CNTNAP2: variants seen among roughly 807,000 people sequenced by gnomAD.
The protein encoded by CNTNAP2 is contactin-associated protein-like 2.
Under a neutral mutation model 155.2 loss-of-function variants are expected in CNTNAP2, and 98 were observed. The observed-to-expected ratio is 0.63, with a 90% CI of 0.54 to 0.75. CNTNAP2 has a LOEUF of 0.75. Among genes scored for constraint, CNTNAP2 ranks in the 30% least tolerant of loss-of-function variants. CNTNAP2 has a pLI of 0.00. For missense variants in CNTNAP2, 1,727 were observed against 1,688.1 expected, an observed-to-expected ratio of 1.02 and a Z score of -0.40; for synonymous variants, 651 against 631.2, an observed-to-expected ratio of 1.03 and a Z score of -0.47.
intron 1 of CNTNAP2, among the ~76,000 whole-genome samples, chr7:146,370,260 TAAAAAAAAA>T (rs34996621): frequency 2.4e-4 from 21 of 87,606 alleles, no homozygotes; most frequent in African/African-American, 7.7e-4. Context: ...ATCTCTACTT[TAAAAAAAAA>T]AAAAAAAAAA....
intron 13 of CNTNAP2, among the ~76,000 whole-genome samples, chr7:147,739,799 G>A (rs943250540): frequency 2.0e-5 from 3 of 151,998 alleles, no homozygotes; most frequent in African/African-American, 7.2e-5. Flanking sequence ...ATATATATAT[G>A]TATTTCATGT....
Position 146,768,413 on chromosome 7 carries a change from G to GC in CNTNAP2, c.98-5851dup, listed in dbSNP as rs373483660. Among the ~76,000 whole-genome samples the GC allele has an allele frequency of 8.4e-3, 1,272 of 151,530 alleles. 8 individuals are homozygous for GC. The highest frequency in any genetic ancestry group is 0.012 in the Non-Finnish European group (838 of 67,898). On this transcript the variant is annotated intron_variant, in intron 1 of 23. Transcript: ENST00000361727. The stretch of plus-strand genomic sequence containing the variant: ...GCTCCTGAGTGTCCCGATGTTGTGT[G>GC]CCCCCCCACATTTCTGACCATCATT...
At chr7:146,737,571 C>T (rs1202707914) in intron 1 of CNTNAP2, among the ~76,000 whole-genome samples, 4 of 152,002 alleles carry the variant, frequency 2.6e-5, no homozygotes, top group Non-Finnish European at 2.9e-5. Flanking sequence ...TTATACATAA[C>T]GTACCTTATT....
intron 15 of CNTNAP2, among the ~76,000 whole-genome samples, chr7:148,101,281 TATA>T (rs1804093872): frequency 6.7e-6 from 1 of 150,336 alleles, no homozygotes; most frequent in Non-Finnish European, 1.5e-5. Context: ...CTTGAAGTAT[TATA>T]ATAATAAAAT....
At chr7:147,023,365 T>G (rs892188115) in intron 3 of CNTNAP2, among the ~76,000 whole-genome samples, 1 of 152,210 alleles carries the variant, frequency 6.6e-6, no homozygotes, top group Non-Finnish European at 1.5e-5. Flanking sequence ...ATCTTTTAAA[T>G]TAAATTTTTA....
At chr7:146,265,631 G>C (rs914552523) in intron 1 of CNTNAP2, among the ~76,000 whole-genome samples, 4 of 151,580 alleles carry the variant, frequency 2.6e-5, no homozygotes, top group Admixed American at 2.6e-4. Context: ...GCTAATTTTT[G>C]TATTTTTTTA....
At chr7:146,312,768 T>C (rs1800846832) in intron 1 of CNTNAP2, among the ~76,000 whole-genome samples, 1 of 152,202 alleles carries the variant, frequency 6.6e-6, no homozygotes, top group South Asian at 2.1e-4. Flanking sequence ...GTTTCTGAAA[T>C]AGACCACTTT....
chr7:147,313,323 A>G (rs1795160730), intron 9 of CNTNAP2, among the ~76,000 whole-genome samples: 1 of 150,806 alleles, frequency 6.6e-6, no homozygotes, highest in Admixed American at 6.6e-5. Context: ...TGTTTTAGAC[A>G]TGAAGTCCTT....
At chr7:147,527,011 A>ATTTTTTTTTTT (rs1562981271) in intron 11 of CNTNAP2, among the ~76,000 whole-genome samples, 1 of 81,634 alleles carries the variant, frequency 1.2e-5, no homozygotes, top group African/African-American at 7.6e-5. Context: ...GAAGACAGGC[A>ATTTTTTTTTTT]TTTCTTTTTT....
chr7:147,211,488 C>A (rs114913073), intron 8 of CNTNAP2, among the ~76,000 whole-genome samples: 79 of 152,046 alleles, frequency 5.2e-4, no homozygotes, highest in African/African-American at 1.8e-3. Context: ...TAGAAGAGAA[C>A]AGATAACCCA....
intron 1 of CNTNAP2, among the ~76,000 whole-genome samples, chr7:146,672,430 C>G (rs1195925118): frequency 1.3e-5 from 2 of 152,168 alleles, no homozygotes; most frequent in Non-Finnish European, 2.9e-5. Flanking sequence ...TCTTAAAGCT[C>G]ATGCCTATAG....
chr7:146,628,616 C>T lies in CNTNAP2; in HGVS notation c.98-145655C>T, dbSNP rs1240712758. On this transcript the variant is annotated intron_variant, in intron 1 of 23. Transcript: ENST00000361727. Reference sequence around the variant, plus strand: ...ATAGTAAATACATACAATTTTATGTCAATTTTAAAAAATAAAAAAATGAAA... The same window carrying T: ...ATAGTAAATACATACAATTTTATGTTAATTTTAAAAAATAAAAAAATGAAA... 2.0e-5 allele frequency among the ~76,000 whole-genome samples: 3 copies of T among 151,934 alleles called. No homozygotes were observed. The South Asian group carries it at 6.2e-4, about 32-fold the overall frequency.
chr7:148,274,123 C>A (rs1161527403), intron 21 of CNTNAP2, among the ~76,000 whole-genome samples: 2 of 152,114 alleles, frequency 1.3e-5, no homozygotes, highest in African/African-American at 2.4e-5. Context: ...CCTCTAGAGT[C>A]CTTTTATCCC....
intron 21 of CNTNAP2, among the ~76,000 whole-genome samples, chr7:148,315,601 C>T (rs1451384323): frequency 6.6e-6 from 1 of 152,184 alleles, no homozygotes; most frequent in Non-Finnish European, 1.5e-5. Context: ...TTAGCTTGGG[C>T]TCAGAGGCCT....
chr7:147,448,009 T>G (rs928849202), intron 10 of CNTNAP2, among the ~76,000 whole-genome samples: 1 of 152,110 alleles, frequency 6.6e-6, no homozygotes, highest in African/African-American at 2.4e-5. Context: ...TTCATGATCA[T>G]GCATAGCTCC....
chr7:147,925,905 T>C (rs1284650112), intron 14 of CNTNAP2, among the ~76,000 whole-genome samples: 1 of 152,230 alleles, frequency 6.6e-6, no homozygotes, highest in African/African-American at 2.4e-5. Flanking sequence ...ACTGATCTTC[T>C]TACTGTTTTC....
chr7:147,386,693 C>T (rs958234013), intron 9 of CNTNAP2, among the ~76,000 whole-genome samples: 5 of 152,160 alleles, frequency 3.3e-5, no homozygotes, highest in African/African-American at 9.7e-5. Context: ...TAAGGAGTTC[C>T]GAACTTTCCC....
intron 10 of CNTNAP2, among the ~76,000 whole-genome samples, chr7:147,412,452 A>C (rs1797120720): frequency 6.6e-6 from 1 of 152,160 alleles, no homozygotes; most frequent in East Asian, 1.9e-4. Context: ...AGGATCTGTA[A>C]GACTGGGTTA....
At chr7:147,157,235 C>CTATT (rs1801942651) in intron 8 of CNTNAP2, among the ~76,000 whole-genome samples, 1 of 152,020 alleles carries the variant, frequency 6.6e-6, no homozygotes, top group South Asian at 2.1e-4. Flanking sequence ...CATTAGAGCA[C>CTATT]TATTTCTTTC....
Sources: gnomAD v4.1 joint callset for allele counts (sites outside exome capture counted in the v4.1 genomes callset) on GRCh38, gnomAD v4.1.1 for gene constraint, MANE v1.5 for transcripts, NCBI Gene and HGNC (gene_info 2026-07-23, HGNC 2026-07-21) for gene names.